Variants in IQCK observed in about 807,000 individuals in gnomAD.
IQCK encodes the protein IQ domain-containing protein K.
IQCK carries 29 observed loss-of-function variants against 28.1 expected under a neutral mutation model. That is an observed-to-expected ratio of 1.03 (90% CI 0.77 to 1.41). The LOEUF (loss-of-function observed/expected upper bound fraction) is 1.41, where lower values mean the gene tolerates loss of function less well. Ranked by LOEUF, IQCK falls within the 40% of genes most tolerant of loss-of-function variation. The pLI, the probability that IQCK is intolerant of heterozygous loss-of-function variation, is 0.00. For synonymous variants in IQCK, 113 were observed against 115.1 expected (o/e 0.98, Z 0.12); for missense variants, 359 against 314.7 (o/e 1.14, Z -1.07).
At chr16:19,841,482 C>T (rs2056361677) in intron 9 of IQCK, among the ~76,000 whole-genome samples, 1 of 152,138 alleles carries the variant, frequency 6.6e-6, no homozygotes. Context: ...TGCATTGGAA[C>T]CCTGGCTGGC....
intron 7 of IQCK, among the ~76,000 whole-genome samples, chr16:19,797,613 CAAA>C (rs61289661): frequency 8.8e-5 from 4 of 45,694 alleles, no homozygotes; most frequent in Non-Finnish European, 1.3e-4. Flanking sequence ...TGAGGCCTTG[CAAA>C]AAAAAAAAAA....
chr16:19,803,655 T>C (rs77664829), intron 7 of IQCK, among the ~76,000 whole-genome samples: 111 of 152,314 alleles, frequency 7.3e-4, no homozygotes, highest in African/African-American at 2.6e-3. Context: ...TTAAAATGTT[T>C]TATTTTTTAT....
intron 1 of IQCK, 140 bp downstream of exon 1, chr16:19,718,627 T>G: frequency 1.4e-6 from 1 of 738,682 alleles, no homozygotes; most frequent in South Asian, 3.2e-5. Context: ...GCTCCGCATT[T>G]TACGCATGGG....
chr16:19,818,108 G>A (rs533285773), intron 7 of IQCK, among the ~76,000 whole-genome samples: 3 of 152,090 alleles, frequency 2.0e-5, no homozygotes, highest in Non-Finnish European at 2.9e-5. Flanking sequence ...CCTGCCCTTC[G>A]CCTCTAGGAG....
At chr16:19,773,622 G>C (rs1005330310) in intron 6 of IQCK, among the ~76,000 whole-genome samples, 4 of 152,184 alleles carry the variant, frequency 2.6e-5, no homozygotes, top group African/African-American at 9.7e-5. Context: ...TGTCATGAAA[G>C]CAGCCATAGA....
chr16:19,783,548 C>G (rs201001703), intron 6 of IQCK, among the ~76,000 whole-genome samples: 16,942 of 152,134 alleles, frequency 0.11, 1,355 homozygotes, highest in South Asian at 0.27. Context: ...TGAGCAGTCG[C>G]CTCTTTATTT....
intron 9 of IQCK, among the ~76,000 whole-genome samples, chr16:19,854,506 G>A (rs1247047820): frequency 6.6e-6 from 1 of 152,184 alleles, no homozygotes; most frequent in Admixed American, 6.5e-5. Flanking sequence ...CCTGGAAAAG[G>A]GCCCTGAATT....
At chr16:19,722,812 GTTCAAGCAA>G (rs1977537050) in intron 1 of IQCK, among the ~76,000 whole-genome samples, 1 of 151,878 alleles carries the variant, frequency 6.6e-6, no homozygotes, top group Non-Finnish European at 1.5e-5. Context: ...CACCTCCCAG[GTTCAAGCAA>G]TTCCCCCACC....
intron 7 of IQCK, among the ~76,000 whole-genome samples, chr16:19,820,841 C>A (rs144198925): frequency 6.6e-6 from 1 of 152,106 alleles, no homozygotes; most frequent in Admixed American, 6.6e-5. Context: ...TGACAAGCAA[C>A]CCACTGTTTA....
At chr16:19,771,160 C>G (rs2055314855) in intron 6 of IQCK, among the ~76,000 whole-genome samples, 1 of 152,196 alleles carries the variant, frequency 6.6e-6, no homozygotes, top group South Asian at 2.1e-4. Flanking sequence ...GGCACAATCA[C>G]AGCTCACTGC....
At chr16:19,749,480 C>T (rs1325445445) in intron 4 of IQCK, among the ~76,000 whole-genome samples, 1 of 152,204 alleles carries the variant, frequency 6.6e-6, no homozygotes, top group Non-Finnish European at 1.5e-5. Context: ...AAAAGTTTGA[C>T]TGGGCATGGT....
chr16:19,844,663 G>A (rs4780829), intron 9 of IQCK, among the ~76,000 whole-genome samples: 17,872 of 152,156 alleles, frequency 0.12, 1,103 homozygotes, highest in Non-Finnish European at 0.13. Flanking sequence ...TCAGTGGACC[G>A]GGGGCTTCCT....
intron 6 of IQCK, among the ~76,000 whole-genome samples, chr16:19,782,976 G>A (rs976729248): frequency 6.9e-6 from 1 of 144,978 alleles, no homozygotes; most frequent in Non-Finnish European, 1.5e-5. Context: ...CAGAATTATA[G>A]CGTTGATTCT....
intron 4 of IQCK, among the ~76,000 whole-genome samples, chr16:19,750,192 TCCTGGCTTA>T (rs1356639374): frequency 6.6e-6 from 1 of 152,072 alleles, no homozygotes; most frequent in Non-Finnish European, 1.5e-5. Flanking sequence ...AGTGGCGTGA[TCCTGGCTTA>T]CTGCAACCTC....
intron 6 of IQCK, among the ~76,000 whole-genome samples, chr16:19,769,048 G>A (rs545861834): frequency 6.6e-6 from 1 of 152,166 alleles, no homozygotes; most frequent in South Asian, 2.1e-4. Flanking sequence ...CATGGTGCTG[G>A]TTGTTGTTTG....
chr16:19,819,321 C>T lies in IQCK; in HGVS notation c.691-7705C>T, dbSNP rs138248855. On this transcript the variant is annotated intron_variant, in intron 7 of 7. Transcript: ENST00000564186. Reference sequence around the variant, plus strand: ...GAGCCTGGCCAACATAGTGAAATTCCGTCTCTACTAAAAATACAAAAATTA... The same window carrying T: ...GAGCCTGGCCAACATAGTGAAATTCTGTCTCTACTAAAAATACAAAAATTA... Among the ~76,000 whole-genome samples, 13 of 151,828 alleles carry T rather than the reference C, an allele frequency of 8.6e-5. No homozygotes were observed. The East Asian group carries it at 2.0e-3, about 23-fold the overall frequency.
exon 3 of IQCK, chr16:19,733,804 C>G: frequency 6.2e-7 from 1 of 1,614,064 alleles, no homozygotes; most frequent in Admixed American, 1.7e-5. Context: ...CAAGATAAAT[C>G]GGAAACAATC....
intron 7 of IQCK, among the ~76,000 whole-genome samples, chr16:19,826,815 C>T (rs960399867): frequency 6.6e-6 from 1 of 152,180 alleles, no homozygotes; most frequent in Non-Finnish European, 1.5e-5. Context: ...CATTCTTAAC[C>T]TACTATTACT....
At chr16:19,845,692 A>G (rs1371285897) in intron 9 of IQCK, among the ~76,000 whole-genome samples, 1 of 152,280 alleles carries the variant, frequency 6.6e-6, no homozygotes, top group Non-Finnish European at 1.5e-5. Context: ...GGCTTACTCA[A>G]TGATTTAAAG....
Sources: allele counts gnomAD v4.1 joint callset (sites outside exome capture counted in the v4.1 genomes callset), GRCh38; gene constraint gnomAD v4.1.1; transcripts MANE v1.5; gene names NCBI Gene and HGNC (gene_info 2026-07-23, HGNC 2026-07-21).